Variants in IRF2 observed in about 807,000 individuals in gnomAD.
IRF2 encodes interferon regulatory factor 2.
A neutral mutation model predicts 40.6 loss-of-function variants in IRF2; 15 were observed. That is an observed-to-expected ratio of 0.37 (90% CI 0.25 to 0.57). The LOEUF (loss-of-function observed/expected upper bound fraction) is 0.57. Among genes scored for constraint, IRF2 ranks in the 20% least tolerant of loss-of-function variants. IRF2 has a pLI of 0.77. For missense variants in IRF2, 317 were observed against 455.7 expected, an observed-to-expected ratio of 0.70 and a Z score of 2.77; for synonymous variants, 151 against 165.5, an observed-to-expected ratio of 0.91 and a Z score of 0.67.
intron 2 of IRF2, among the ~76,000 whole-genome samples, chr4:184,423,233 G>C (rs1273463775): frequency 1.3e-5 from 2 of 152,180 alleles, no homozygotes; most frequent in East Asian, 3.8e-4. Context: ...TCCTGCACAC[G>C]TGGTGGTGGT....
chr4:184,395,744 G>A (rs937754951), intron 7 of IRF2, among the ~76,000 whole-genome samples: 2 of 152,210 alleles, frequency 1.3e-5, no homozygotes, highest in Admixed American at 6.5e-5. Flanking sequence ...TGAAAACAAC[G>A]GAAAGAACCA....
chr4:184,440,936 G>A (rs541372299), intron 1 of IRF2, among the ~76,000 whole-genome samples: 2 of 152,308 alleles, frequency 1.3e-5, no homozygotes, highest in Admixed American at 6.5e-5. Flanking sequence ...TGATGGCTGG[G>A]CTACTAGCTG....
intron 8 of IRF2, among the ~76,000 whole-genome samples, chr4:184,389,714 C>T (rs1002662451): frequency 4.6e-5 from 7 of 152,256 alleles, no homozygotes; most frequent in East Asian, 3.9e-4. Context: ...TTGTGCTCTG[C>T]GGCTCGGCCC....
intron 2 of IRF2, among the ~76,000 whole-genome samples, chr4:184,425,458 G>A (rs1737633015): frequency 6.6e-6 from 1 of 152,264 alleles, no homozygotes; most frequent in Non-Finnish European, 1.5e-5. Flanking sequence ...CTCTGGCTAG[G>A]CCTCAGCAGG....
At chr4:184,458,643 A>G (rs190466633) in intron 1 of IRF2, among the ~76,000 whole-genome samples, 8 of 152,326 alleles carry the variant, frequency 5.3e-5, no homozygotes, top group African/African-American at 1.4e-4. Context: ...CACATATATT[A>G]TTTCTCTGTT....
chr4:184,448,697 A>C lies in IRF2; in HGVS notation c.-6-19627T>G, dbSNP rs536997965. 6.6e-6 allele frequency: 1 copy of C among 152,250 alleles called. No homozygotes were observed. The highest frequency in any genetic ancestry group is 6.5e-5 in the Admixed American group (1 of 15,302). The allele number at this position is 152,250 out of a possible 1,614,324, so 9.4% of individuals were successfully genotyped here. A position where few individuals can be genotyped will look rare whatever the true frequency, so the allele number is the denominator to read the frequency against. On this transcript the variant is annotated intron_variant, in intron 1 of 8. Transcript: ENST00000393593. This position sits in a 1 kb window ranked among gnomAD's most constrained non-coding sequence, Gnocchi z 4.3. Reference sequence around the variant, plus strand: ...AGTGCCATCGCTGGGTCACTGATAGATTTGCAAATTGTAGATGTTTGTCCT... The same window carrying C: ...AGTGCCATCGCTGGGTCACTGATAGCTTTGCAAATTGTAGATGTTTGTCCT...
At position 184,449,270 on chromosome 4, in the gene IRF2, T is replaced by C. The variant is rs368219359; in HGVS notation, c.-6-20200A>G. On this transcript the variant is annotated intron_variant, in intron 1 of 8. Transcript: ENST00000393593. The stretch of plus-strand genomic sequence containing the variant: ...CCTCCAGCGAGGGGTCCGTCCCAAG[T>C]CTCTGCGTCTGTCACCCCTCAGCCT... Among the ~76,000 whole-genome samples the C allele has an allele frequency of 9.7e-4, 147 of 152,260 alleles. 1 individual carries two copies. The highest frequency in any genetic ancestry group is 3.4e-3 in the Middle Eastern group (1 of 294).
At chr4:184,441,661 C>T (rs1158535900) in intron 1 of IRF2, among the ~76,000 whole-genome samples, 2 of 152,204 alleles carry the variant, frequency 1.3e-5, no homozygotes, top group African/African-American at 4.8e-5. Flanking sequence ...GAGTGTCCCA[C>T]TTACCAGGAT....
rs139544006 is a variant in IRF2 at position 184,446,015 on chromosome 4, T to C, written c.-6-16945A>G. On this transcript the variant is annotated intron_variant, in intron 1 of 8. Transcript: ENST00000393593. Reference sequence around the variant, plus strand: ...ACACACATAGAAGAAAGGAGAATGTTGTATGAAGACAGAGGCAGGCATTAG... The same window carrying C: ...ACACACATAGAAGAAAGGAGAATGTCGTATGAAGACAGAGGCAGGCATTAG... Among the ~76,000 whole-genome samples the C allele has an allele frequency of 7.9e-5, 12 of 152,204 alleles. No homozygotes were observed. In the East Asian group the frequency reaches 2.3e-3, roughly 29 times the overall value.
At chr4:184,457,748 G>A (rs1376973307) in intron 1 of IRF2, among the ~76,000 whole-genome samples, 1 of 151,988 alleles carries the variant, frequency 6.6e-6, no homozygotes, top group African/African-American at 2.4e-5. Context: ...CCTCTCCAAC[G>A]CTGCAGGTGC....
chr4:184,402,973 G>T (rs1447183872), intron 6 of IRF2, among the ~76,000 whole-genome samples: 1 of 152,190 alleles, frequency 6.6e-6, no homozygotes, highest in Non-Finnish European at 1.5e-5. Flanking sequence ...CGTCCATGCA[G>T]ATTTTAGGTG....
chr4:184,468,600 G>A (rs1739412597), intron 1 of IRF2, among the ~76,000 whole-genome samples: 1 of 152,222 alleles, frequency 6.6e-6, no homozygotes, highest in Non-Finnish European at 1.5e-5. Context: ...ACAGGCCCCT[G>A]TCCGAAGTGC....
intron 7 of IRF2, among the ~76,000 whole-genome samples, chr4:184,395,392 G>A (rs569274503): frequency 6.9e-4 from 76 of 109,532 alleles, no homozygotes; most frequent in African/African-American, 2.6e-3. Flanking sequence ...CAGCCTGGGC[G>A]ACAGAGCGAG....
intron 6 of IRF2, chr4:184,407,383 A>G (rs1736897404): frequency 2.1e-6 from 1 of 467,140 alleles, no homozygotes; most frequent in Non-Finnish European, 3.6e-6. Flanking sequence ...GCATCTGGCC[A>G]TACAGGAGAG....
At chr4:184,415,723 G>A (rs940376281) in intron 5 of IRF2, among the ~76,000 whole-genome samples, 4 of 152,174 alleles carry the variant, frequency 2.6e-5, no homozygotes, top group Non-Finnish European at 4.4e-5. Context: ...CTGTTACTCC[G>A]TTCTTATTTC....
chr4:184,403,065 G>A (rs900731848), intron 6 of IRF2, among the ~76,000 whole-genome samples: 9 of 152,106 alleles, frequency 5.9e-5, no homozygotes, highest in African/African-American at 1.4e-4. Flanking sequence ...ATATAATTAC[G>A]TTATCTCTCA....
At chr4:184,399,688 C>T (rs1375694771) in intron 6 of IRF2, among the ~76,000 whole-genome samples, 1 of 152,136 alleles carries the variant, frequency 6.6e-6, no homozygotes, top group Non-Finnish European at 1.5e-5. Flanking sequence ...GCTTACGCTC[C>T]CAGCTCTCTT....
chr4:184,392,556 C>A (rs181066506), intron 7 of IRF2, among the ~76,000 whole-genome samples: 4 of 152,196 alleles, frequency 2.6e-5, no homozygotes, highest in African/African-American at 7.2e-5. Flanking sequence ...GCTTTCCACC[C>A]GGTCCCTGCT....
chr4:184,472,045 T>G (rs1739529481), intron 1 of IRF2: 1 of 152,240 alleles, frequency 6.6e-6, no homozygotes, highest in Non-Finnish European at 1.5e-5. Flanking sequence ...TTACAAGTTA[T>G]AATCGTTCAC....
Sources: gnomAD v4.1 joint callset for allele counts (sites outside exome capture counted in the v4.1 genomes callset) on GRCh38, gnomAD v4.1.1 for gene constraint, Gnocchi (gnomAD v3.1) non-coding constraint, MANE v1.5 for transcripts, NCBI Gene and HGNC (gene_info 2026-07-23, HGNC 2026-07-21) for gene names.